The following IPO5 variants were observed in gnomAD, a reference collection of about 807,000 sequenced individuals.
The protein encoded by IPO5 is importin 5, also known as importin-5.
In IPO5, 18 loss-of-function variants were observed where a neutral mutation model predicts 143.3. The observed-to-expected ratio is 0.13, with a 90% confidence interval of 0.09 to 0.19. The LOEUF (loss-of-function observed/expected upper bound fraction) is 0.19, where lower values mean the gene tolerates loss of function less well. Among genes scored for constraint, IPO5 ranks in the 10% least tolerant of loss-of-function variants. IPO5 has a pLI of 1.00. For synonymous variants in IPO5, 477 were observed against 465.7 expected, an observed-to-expected ratio of 1.02 and a Z score of -0.31; for missense variants, 1,013 against 1,336.9, an observed-to-expected ratio of 0.76 and a Z score of 3.78.
chr13:97,973,969 G>T (rs1474424314), intron 3 of IPO5, among the ~76,000 whole-genome samples: 1 of 152,114 alleles, frequency 6.6e-6, no homozygotes, highest in Non-Finnish European at 1.5e-5. Context: ...TGGAAGGGCT[G>T]AGGTGGGAGG....
chr13:97,953,836 T>G, intron 1 of IPO5, 120 bp downstream of exon 1: 1 of 445,392 alleles, frequency 2.2e-6, no homozygotes, highest in African/African-American at 2.0e-5. Flanking sequence ...AGGAGGTCCC[T>G]TTAGCTCGTC....
chr13:97,980,651 A>C (rs1174276058), intron 4 of IPO5, among the ~76,000 whole-genome samples: 2 of 151,502 alleles, frequency 1.3e-5, no homozygotes, highest in Middle Eastern at 3.2e-3. Flanking sequence ...AAGATGGTGA[A>C]ATCCCATCTC....
intron 2 of IPO5, among the ~76,000 whole-genome samples, chr13:97,961,937 T>C (rs1457639395): frequency 6.6e-6 from 1 of 152,116 alleles, no homozygotes. Flanking sequence ...AAGACCAGCC[T>C]GGCCAACACG....
At chr13:97,967,155 A>T (rs1168091923) in intron 2 of IPO5, among the ~76,000 whole-genome samples, 2 of 152,134 alleles carry the variant, frequency 1.3e-5, no homozygotes, top group African/African-American at 2.4e-5. Context: ...AAATGTGTCC[A>T]TTTCCTCTAG....
chr13:97,969,726 A>G lies in IPO5; in HGVS notation c.-109A>G, dbSNP rs1305532292. On this transcript the variant is annotated 5_prime_UTR_variant, in exon 3 of 29. Transcript: ENST00000651721. ...CATTCTGTTTCTGTCAAATCAGCAG[A>G]GGAAAGAAATTCCTAAGGGAACACT... 1 of 1,366,714 alleles carries G rather than the reference A, an allele frequency of 7.3e-7. No individual in the cohort carries two copies. The highest frequency in any genetic ancestry group is 1.2e-5 in the South Asian group (1 of 85,602). The allele number at this position is 1,366,714 out of a possible 1,614,324, so 84.7% of individuals were successfully genotyped here. A position where few individuals can be genotyped will look rare whatever the true frequency, so the allele number is the denominator to read the frequency against.
At chr13:97,983,051 A>G (rs1431666568) in intron 5 of IPO5, among the ~76,000 whole-genome samples, 2 of 152,068 alleles carry the variant, frequency 1.3e-5, no homozygotes, top group Non-Finnish European at 2.9e-5. Flanking sequence ...TTGTATTTTT[A>G]GTAGAGATGG....
intron 4 of IPO5, 66 bp downstream of exon 4, chr13:97,976,852 C>G: frequency 1.7e-6 from 1 of 589,774 alleles, no homozygotes; most frequent in Non-Finnish European, 2.6e-6. Flanking sequence ...CCGACGCCAG[C>G]CGCACCGGGC....
chr13:98,005,137 T>A (rs936142364), intron 16 of IPO5, among the ~76,000 whole-genome samples: 64 of 150,976 alleles, frequency 4.2e-4, no homozygotes, highest in African/African-American at 1.5e-3. Flanking sequence ...CCTCAAGTCA[T>A]CCGCCCACCT....
In IPO5 at chr13:97,979,436, A is replaced by G. The variant is rs1353190322; in HGVS notation, c.90+2650A>G. 2.0e-5 allele frequency among the ~76,000 whole-genome samples: 3 copies of G among 152,286 alleles called. 1 individual carries two copies. The highest frequency in any genetic ancestry group is 4.1e-4 in the South Asian group (2 of 4,822). On this transcript the variant is annotated intron_variant, in intron 4 of 28. Transcript: ENST00000651721. ...TCTATTTTTAAAAATCTGTAAGGAT[A>G]TTTCTCTTTAACTTTATAGAAAATG...
intron 4 of IPO5, among the ~76,000 whole-genome samples, chr13:97,979,250 A>G (rs1886643138): frequency 6.6e-6 from 1 of 152,220 alleles, no homozygotes; most frequent in Non-Finnish European, 1.5e-5. Context: ...TCAAAATAAA[A>G]ATACTTAGTC....
intron 2 of IPO5, among the ~76,000 whole-genome samples, 186 bp downstream of exon 2, chr13:97,954,384 C>T (rs1344958092): frequency 1.3e-5 from 2 of 152,138 alleles, no homozygotes; most frequent in African/African-American, 2.4e-5. Flanking sequence ...CCCTGCTTTC[C>T]TATAGGGAGA....
intron 6 of IPO5, among the ~76,000 whole-genome samples, chr13:97,986,690 G>C (rs1887381060): frequency 6.6e-6 from 1 of 152,102 alleles, no homozygotes; most frequent in Non-Finnish European, 1.5e-5. Context: ...ATTTTTTTAA[G>C]TGAGGTAAAA....
In IPO5 at chr13:98,015,608, G is replaced by C; in HGVS notation, c.2404G>C (p.Glu802Gln). 7 of 1,611,826 alleles carry C rather than the reference G, an allele frequency of 4.3e-6. No homozygotes were observed. The highest frequency in any genetic ancestry group is 5.1e-6 in the Non-Finnish European group (6 of 1,178,436). ...GGGAGGTATATTGAAAGCAAAGCTTGAAGAACATTTTAAAAATCAAGAATT... is the reference window on the plus strand; with the variant it reads ...GGGAGGTATATTGAAAGCAAAGCTTCAAGAACATTTTAAAAATCAAGAATT... ...ELGGILKAKL[E>Q]EHFKNQELRQ... The change falls in exon 23 of 29, where the codon GAA becomes CAA. Residue 802 changes from glutamate (E) to glutamine (Q), a missense_variant. Transcript: ENST00000651721.
intron 2 of IPO5, among the ~76,000 whole-genome samples, chr13:97,961,881 C>A (rs530317207): frequency 2.2e-4 from 34 of 152,264 alleles, no homozygotes; most frequent in African/African-American, 7.9e-4. Context: ...GTAATCCCAG[C>A]ACTTTGGGAG....
At chr13:98,000,013 A>C (rs777112382) in intron 12 of IPO5, among the ~76,000 whole-genome samples, 2 of 152,208 alleles carry the variant, frequency 1.3e-5, no homozygotes, top group African/African-American at 4.8e-5. Context: ...GGCTGGGCAC[A>C]GTGGCTCACG....
At chr13:97,987,795 G>A (rs1021513730) in intron 6 of IPO5, among the ~76,000 whole-genome samples, 5 of 152,128 alleles carry the variant, frequency 3.3e-5, no homozygotes, top group African/African-American at 4.8e-5. Context: ...GAGCCACAGC[G>A]CCCAGCCCTA....
At chr13:98,012,855 A>G (rs1016665275) in intron 21 of IPO5, among the ~76,000 whole-genome samples, 6 of 138,326 alleles carry the variant, frequency 4.3e-5, no homozygotes, top group Non-Finnish European at 9.1e-5. Flanking sequence ...TATGTTGCCC[A>G]GGCTGGTCTC....
chr13:97,969,670 C>T (rs1209344598), intron 2 of IPO5, 53 bp from the exon 3 acceptor site: 2 of 777,950 alleles, frequency 2.6e-6, no homozygotes, highest in Non-Finnish European at 4.5e-6. Flanking sequence ...AGAATATCAT[C>T]TTCAAAATTA....
chr13:98,014,159 T>C lies in IPO5; in HGVS notation c.2270T>C (p.Ile757Thr), dbSNP rs1376774011. 3.1e-6 allele frequency: 5 copies of C among 1,613,656 alleles called. No individual in the cohort carries two copies. The highest frequency in any genetic ancestry group is 1.7e-5 in the Admixed American group (1 of 59,992). Residue 757 changes from isoleucine (I) to threonine (T), a missense_variant, in exon 22 of 29, where the codon ATT becomes ACT. This residue lies in a region of IPO5 where 685 missense variants were observed against 994.9 expected (regional missense o/e 0.69). Coordinates refer to ENST00000651721, the MANE Select transcript of IPO5 (RefSeq NM_002271.6). The stretch of plus-strand genomic sequence containing the variant: ...ATGTGTGATGCTCTAATTAAGGCCA[T>C]TGGTACAGAACCAGATTCAGACGTC... ...HFMCDALIKA[I>T]GTEPDSDVLS...
Sources: allele counts gnomAD v4.1 joint callset (sites outside exome capture counted in the v4.1 genomes callset), GRCh38; gene constraint gnomAD v4.1.1; regional missense constraint gnomAD v4.1.1; transcripts MANE v1.5; gene names NCBI Gene and HGNC (gene_info 2026-07-23, HGNC 2026-07-21).